Variants in ZNF791 observed in about 807,000 individuals in gnomAD.
ZNF791 encodes zinc finger protein 791.
In ZNF791, 4 loss-of-function variants were observed where a neutral mutation model predicts 11.5. The ratio of observed to expected loss-of-function variants is 0.35; its 90% CI spans 0.17 to 0.80. The LOEUF is 0.80. Among genes scored for constraint, ZNF791 ranks in the 30% least tolerant of loss-of-function variants. The probability of loss-of-function intolerance (pLI) is 0.53; values close to 1 mark genes in which losing one functional copy is unlikely to be tolerated. For missense variants in ZNF791, 559 were observed against 699.4 expected, an observed-to-expected ratio of 0.80 and a Z score of 2.26; for synonymous variants, 212 against 228.1, an observed-to-expected ratio of 0.93 and a Z score of 0.64.
chr19:12,629,206 A>G lies in ZNF791; in HGVS notation c.1677A>G (p.Lys559=). 2 of 1,565,140 alleles carry G rather than the reference A, an allele frequency of 1.3e-6. No homozygotes were observed. The highest frequency in any genetic ancestry group is 1.7e-6 in the Non-Finnish European group (2 of 1,158,916). Residue 559 remains lysine, a synonymous_variant, in exon 4 of 4, where the codon AAA becomes AAG. Coordinates refer to ENST00000343325, the MANE Select transcript of ZNF791 (RefSeq NM_153358.3). ...CTCTTGAATGTAAGCAATGTGGAAA[A>G]GCCTTCAGTGTGTCCACATCCTTAA... ...EKPLECKQCG[K]AFSVSTSLKK...
At position 12,632,343 on chromosome 19, in the gene ZNF791, A is replaced by G. The variant is rs2023511645; in HGVS notation, c.*3083A>G. 1 of 152,058 alleles carries G rather than the reference A, an allele frequency of 6.6e-6. No homozygotes were observed. Among genetic ancestry groups the G allele is most frequent in the African/African-American group, 2.4e-5 (1 of 41,384 alleles). 9.4% of individuals were successfully genotyped at this position (152,058 alleles called of 1,614,324 possible). A position where few individuals can be genotyped will look rare whatever the true frequency, so the allele number is the denominator to read the frequency against. On this transcript the variant is annotated 3_prime_UTR_variant, in exon 4 of 4. Coordinates refer to ENST00000343325, the MANE Select transcript of ZNF791 (RefSeq NM_153358.3). Reference sequence around the variant, plus strand: ...ATATACAATTAGTTTTAATTTGTGTATAGTTTTTCAGTTGTTCTCTGAATA... The same window carrying G: ...ATATACAATTAGTTTTAATTTGTGTGTAGTTTTTCAGTTGTTCTCTGAATA...
rs1181375539 is a variant in ZNF791, at chr19:12,628,715, C to T, written c.1186C>T (p.Pro396Ser). 6.3e-7 allele frequency: 1 copy of T among 1,599,932 alleles called. No homozygotes were observed. Among genetic ancestry groups the T allele is most frequent in the African/African-American group, 1.4e-5 (1 of 73,714 alleles). The change falls in exon 4 of 4, where the codon CCT (proline) becomes TCT (serine). Residue 396 changes from proline (P) to serine (S), a missense_variant. Coordinates refer to ENST00000343325, the MANE Select transcript of ZNF791 (RefSeq NM_153358.3). Reference protein sequence around the residue: ...CKKCGKTFNYPLDLKIHKRNH... With the variant: ...CKKCGKTFNYSLDLKIHKRNH... ...AAAATGTGGGAAAACTTTCAATTAT[C>T]CTCTAGATTTGAAAATCCACAAGAG...
At chr19:12,617,355 A>G (rs143656699) in intron 1 of ZNF791, among the ~76,000 whole-genome samples, 2,549 of 151,884 alleles carry the variant, frequency 0.017, 23 homozygotes, top group Non-Finnish European at 0.025. Flanking sequence ...CGAACTCCTG[A>G]CCTCGTGATC....
At chr19:12,623,463 C>T in intron 1 of ZNF791, 1 of 479,036 alleles carries the variant, frequency 2.1e-6, no homozygotes, top group Non-Finnish European at 3.6e-6. Flanking sequence ...TGTAGGATTT[C>T]TTTCATTTTT....
rs2023453600 is a variant in ZNF791 at position 12,628,019 on chromosome 19, C to G, written c.490C>G (p.Gln164Glu). ...TGGAGAAAAACCCTATAAATGTAAA[C>G]AATGTGGAAAAACCTTCATATATCA... ...HTGEKPYKCK[Q>E]CGKTFIYHQP... The change falls in exon 4 of 4, where the codon CAA (glutamine) becomes GAA (glutamate). Residue 164 changes from glutamine to glutamate, a missense_variant. Gln to Glu is a conservative substitution (Grantham distance 29). Transcript: ENST00000343325. 6.2e-7 allele frequency: 1 copy of G among 1,612,820 alleles called. No homozygotes were observed. The highest frequency in any genetic ancestry group is 1.7e-5 in the Admixed American group (1 of 59,770).
At chr19:12,613,173 C>T (rs1203931230) in intron 1 of ZNF791, among the ~76,000 whole-genome samples, 3 of 151,502 alleles carry the variant, frequency 2.0e-5, no homozygotes, top group Admixed American at 1.3e-4. Context: ...TTGGCCAGTC[C>T]GGTCTCGAAC....
At chr19:12,617,913 C>CTTTT (rs958944041) in intron 1 of ZNF791, among the ~76,000 whole-genome samples, 16 of 94,742 alleles carry the variant, frequency 1.7e-4, no homozygotes, top group East Asian at 2.8e-4. Context: ...CTAAATTTTG[C>CTTTT]TTTTTTTTTT....
Position 12,617,760 on chromosome 19 carries a change from C to CTTTTTTT in ZNF791, c.4-5922_4-5916dup, listed in dbSNP as rs1019193795. ...TTCTGATTTTCTACCTGCTGGAACT[C>CTTTTTTT]TTTTTTTTTTTTTTTTTTTTTTTTG... is the stretch of plus-strand genomic sequence containing the variant. On this transcript the variant is annotated intron_variant, in intron 1 of 3. Coordinates refer to ENST00000343325, the MANE Select transcript of ZNF791 (RefSeq NM_153358.3). Among the ~76,000 whole-genome samples, 10 of 51,720 alleles carry CTTTTTTT rather than the reference C, an allele frequency of 1.9e-4. 1 individual carries two copies. Among genetic ancestry groups the CTTTTTTT allele is most frequent in the Admixed American group, 2.7e-4 (1 of 3,650 alleles). The allele number at this position is 51,720 out of a possible 152,430, so 33.9% of individuals were successfully genotyped here. A position where few individuals can be genotyped will look rare whatever the true frequency, so the allele number is the denominator to read the frequency against.
In ZNF791 at chr19:12,621,714, C is replaced by CGGGG. The variant is rs1028468268; in HGVS notation, c.4-1984_4-1983insGGGG. Among the ~76,000 whole-genome samples the CGGGG allele has an allele frequency of 3.1e-3, 229 of 74,424 alleles. 5 individuals carry two copies. Among genetic ancestry groups the CGGGG allele is most frequent in the Non-Finnish European group, 3.6e-3 (108 of 30,354 alleles). 48.8% of individuals were successfully genotyped at this position (74,424 alleles called of 152,430 possible). A position where few individuals can be genotyped will look rare whatever the true frequency, so the allele number is the denominator to read the frequency against. On this transcript the variant is annotated intron_variant, in intron 1 of 3. Coordinates refer to ENST00000343325, the MANE Select transcript of ZNF791 (RefSeq NM_153358.3). ...TATTTACTTATTAAAACCTCCACCTCGGTGGGGGGTCAGCCCCCCTGCCCG... is the reference window on the plus strand; with the variant it reads ...TATTTACTTATTAAAACCTCCACCTCGGGGGGTGGGGGGTCAGCCCCCCTGCCCG...
Position 12,629,098 on chromosome 19 carries a change from C to G in ZNF791, c.1569C>G (p.Pro523=). 22 of 1,605,856 alleles carry G rather than the reference C, an allele frequency of 1.4e-5. No homozygotes were observed. The highest frequency in any genetic ancestry group is 1.9e-5 in the Non-Finnish European group (22 of 1,176,776). The change falls in exon 4 of 4, where the codon CCC becomes CCG. Residue 523 remains proline (P), a synonymous_variant. Coordinates refer to ENST00000343325, the MANE Select transcript of ZNF791 (RefSeq NM_153358.3). ...GHMRMHTGEK[P]YKCKECGKAF... ...TGAGAATGCATACTGGAGAGAAACCCTATAAATGTAAAGAATGTGGGAAGG... is the reference window on the plus strand; with the variant it reads ...TGAGAATGCATACTGGAGAGAAACCGTATAAATGTAAAGAATGTGGGAAGG...
intron 1 of ZNF791, among the ~76,000 whole-genome samples, chr19:12,614,319 C>T (rs1283820249): frequency 6.6e-6 from 1 of 151,856 alleles, no homozygotes; most frequent in African/African-American, 2.4e-5. Flanking sequence ...CTGCAACCTC[C>T]GCCTCCTGGG....
chr19:12,626,885 G>A (rs751924678), intron 3 of ZNF791, among the ~76,000 whole-genome samples: 3 of 152,148 alleles, frequency 2.0e-5, no homozygotes, highest in Non-Finnish European at 4.4e-5. Context: ...GATTACAGGC[G>A]TGAGCCACTG....
rs747479365 is a variant in ZNF791 at position 12,628,841 on chromosome 19, G to A, written c.1312G>A (p.Gly438Arg). Residue 438 changes from glycine (G) to arginine (R), a missense_variant, in exon 4 of 4, where the codon GGA (glycine) becomes AGA (arginine). Physicochemically the swap from Gly to Arg is moderately radical, Grantham distance 125. Transcript: ENST00000343325. ...RRHMITHTGD[G>R]PYKCRDCGKV... The stretch of plus-strand genomic sequence containing the variant: ...ACACATGATCACCCACACTGGAGAC[G>A]GACCTTATAAATGTAGGGACTGTGG... The A allele has an allele frequency of 6.8e-6, 11 of 1,612,040 alleles. No homozygotes were observed. Among genetic ancestry groups the A allele is most frequent in the African/African-American group, 5.4e-5 (4 of 74,232 alleles).
Position 12,624,729 on chromosome 19 carries a change from A to AAGT in ZNF791, c.191+21_191+23dup. ...ATCTAAGGTGAGTTGCACTCACAAG[A>AAGT]AGTAACAGTGTTCCTTGAAAGAATC... On this transcript the variant is annotated intron_variant, in intron 3 of 3. Coordinates refer to ENST00000343325, the MANE Select transcript of ZNF791 (RefSeq NM_153358.3). 1 of 1,590,014 alleles carries AAGT rather than the reference A, an allele frequency of 6.3e-7. No homozygotes were observed.
At chr19:12,621,180 C>A (rs2023337449) in intron 1 of ZNF791, among the ~76,000 whole-genome samples, 1 of 152,138 alleles carries the variant, frequency 6.6e-6, no homozygotes, top group Non-Finnish European at 1.5e-5. Flanking sequence ...TCAATCTATT[C>A]TTCAAGGTCA....
At chr19:12,612,616 A>AT (rs767002893) in intron 1 of ZNF791, among the ~76,000 whole-genome samples, 3,822 of 111,516 alleles carry the variant, frequency 0.034, 107 homozygotes, top group African/African-American at 0.076. Flanking sequence ...TAATTTTTGT[A>AT]TTTTTTTTTT....
In ZNF791 at chr19:12,627,905, G is replaced by A. The variant is rs773959872; in HGVS notation, c.376G>A (p.Glu126Lys). ...TRHMRSHTGY[E>K]LFEKPYKCKE... Reference sequence around the variant, plus strand: ...ACACATGAGGTCTCACACTGGATACGAGCTATTTGAGAAGCCATATAAATG... The same window carrying A: ...ACACATGAGGTCTCACACTGGATACAAGCTATTTGAGAAGCCATATAAATG... The change falls in exon 4 of 4, where the codon GAG (glutamate) becomes AAG (lysine). Residue 126 changes from glutamate (E) to lysine (K), a missense_variant. Coordinates refer to ENST00000343325, the MANE Select transcript of ZNF791 (RefSeq NM_153358.3). 21 of 1,613,978 alleles carry A rather than the reference G, an allele frequency of 1.3e-5. No individual in the cohort carries two copies. The highest frequency in any genetic ancestry group is 3.3e-5 in the South Asian group (3 of 91,078).
chr19:12,611,769 A>T (rs1316375271), intron 1 of ZNF791, among the ~76,000 whole-genome samples: 1 of 152,180 alleles, frequency 6.6e-6, no homozygotes, highest in Non-Finnish European at 1.5e-5. Flanking sequence ...CAGACATCCT[A>T]TGGGAACTCC....
chr19:12,623,884 GT>G, intron 2 of ZNF791, 58 bp downstream of exon 2: 1 of 1,160,942 alleles, frequency 8.6e-7, no homozygotes, highest in South Asian at 1.5e-5. Context: ...GGGGGACAGA[GT>G]TTCACTATTG....
Sources: gnomAD v4.1 joint callset for allele counts (sites outside exome capture counted in the v4.1 genomes callset) on GRCh38, gnomAD v4.1.1 for gene constraint, MANE v1.5 for transcripts, NCBI Gene and HGNC (gene_info 2026-07-23, HGNC 2026-07-21) for gene names.